EGFLAM: variants seen among roughly 807,000 people sequenced by gnomAD.
The protein encoded by EGFLAM is EGF like, fibronectin type III and laminin G domains.
A neutral mutation model predicts 113.1 loss-of-function variants in EGFLAM; 79 were observed. The observed-to-expected ratio is 0.70, with a 90% confidence interval of 0.58 to 0.84. The LOEUF (loss-of-function observed/expected upper bound fraction) is 0.84, where lower values mean the gene tolerates loss of function less well. EGFLAM is among the 40% of genes least tolerant of loss of function. EGFLAM has a pLI of 0.00. For missense variants in EGFLAM, 1,265 were observed against 1,291.6 expected (o/e 0.98, Z 0.32); for synonymous variants, 504 against 487.6 (o/e 1.03, Z -0.44).
intron 12 of EGFLAM, among the ~76,000 whole-genome samples, chr5:38,421,500 C>G (rs1741822039): frequency 6.6e-6 from 1 of 152,230 alleles, no homozygotes; most frequent in South Asian, 2.1e-4. Flanking sequence ...GAGCTCTTTT[C>G]CTCATTTCAC....
chr5:38,426,274 A>AAC (rs60181446), intron 13 of EGFLAM, among the ~76,000 whole-genome samples: 12,597 of 152,148 alleles, frequency 0.083, 1,693 homozygotes, highest in African/African-American at 0.29. Flanking sequence ...TAAACATGGA[A>AAC]ACACATGCAC....
At chr5:38,285,438 C>G (rs958381656) in intron 1 of EGFLAM, among the ~76,000 whole-genome samples, 5 of 152,184 alleles carry the variant, frequency 3.3e-5, no homozygotes, top group African/African-American at 1.2e-4. Context: ...TAACTGTGCA[C>G]TCTACACACA....
chr5:38,450,823 CT>C (rs11295173), intron 18 of EGFLAM, among the ~76,000 whole-genome samples: 42,585 of 152,114 alleles, frequency 0.28, 10,563 homozygotes, highest in African/African-American at 0.67. Flanking sequence ...GGCCTTGTTC[CT>C]TTGTCTGAGA....
chr5:38,409,688 C>G (rs1200663283), intron 10 of EGFLAM, among the ~76,000 whole-genome samples: 1 of 152,174 alleles, frequency 6.6e-6, no homozygotes, highest in Non-Finnish European at 1.5e-5. Context: ...TCTCATCTCC[C>G]TTTGGCAAAT....
At chr5:38,451,828 TA>T (rs1742923218) in intron 19 of EGFLAM, among the ~76,000 whole-genome samples, 1 of 151,696 alleles carries the variant, frequency 6.6e-6, no homozygotes, top group East Asian at 2.0e-4. Context: ...CCATCTCTAC[TA>T]AAAAATACAA....
At chr5:38,278,778 C>T (rs867455978) in intron 1 of EGFLAM, among the ~76,000 whole-genome samples, 4 of 149,088 alleles carry the variant, frequency 2.7e-5, no homozygotes, top group Admixed American at 1.4e-4. Context: ...CATGAGCCAC[C>T]GTGCCTGGCC....
intron 1 of EGFLAM, chr5:38,290,459 C>G (rs1488277419): frequency 6.6e-6 from 1 of 152,204 alleles, no homozygotes; most frequent in Non-Finnish European, 1.5e-5. Context: ...ATTGACAGCA[C>G]ATGTTACAGA....
rs771397945 is a variant in EGFLAM at position 38,406,963 on chromosome 5, G to C, written c.964G>C (p.Ala322Pro). The change falls in exon 8 of 22, where the codon GCT (alanine) becomes CCT (proline). Residue 322 changes from alanine (A) to proline (P), a missense_variant. Ala to Pro is a conservative substitution (Grantham distance 27). Transcript: ENST00000322350. ...TSASLPVTTV[A>P]PQPIPIQRKG... ...AGCATCTCTCCCTGTGACCACGGTG[G>C]CTCCCCAGCCCATTCCCATACAGAG... 6.2e-7 allele frequency: 1 copy of C among 1,614,148 alleles called. No individual in the cohort carries two copies. Among genetic ancestry groups the C allele is most frequent in the Non-Finnish European group, 8.5e-7 (1 of 1,180,034 alleles).
chr5:38,336,880 TACC>T (rs1326140139), intron 1 of EGFLAM, among the ~76,000 whole-genome samples: 1 of 152,130 alleles, frequency 6.6e-6, no homozygotes, highest in East Asian at 1.9e-4. Context: ...ACAAGAGATA[TACC>T]ACAATGCTAA....
chr5:38,444,034 G>A (rs569729121), intron 17 of EGFLAM, among the ~76,000 whole-genome samples: 5 of 152,160 alleles, frequency 3.3e-5, no homozygotes, highest in African/African-American at 1.2e-4. Context: ...ACCTCCCAAA[G>A]GGCTGGGATT....
In EGFLAM at chr5:38,307,040, T is replaced by C. The variant is rs551937876; in HGVS notation, c.98-30480T>C. On this transcript the variant is annotated intron_variant, in intron 1 of 21. Transcript: ENST00000322350. ...CCTAGTCCCCAGTGTGGGTAAGTCA[T>C]CTTGGAAGTGGATCCTCCAGTCATA... 4.5e-4 allele frequency among the ~76,000 whole-genome samples: 69 copies of C among 152,280 alleles called. 1 individual carries two copies. Among genetic ancestry groups the C allele is most frequent in the African/African-American group, 1.6e-3 (66 of 41,548 alleles).
rs754968751 is a variant in EGFLAM, at chr5:38,445,670, A to T, written c.2465-2631A>T. 1.9e-6 allele frequency: 3 copies of T among 1,598,454 alleles called. No individual in the cohort carries two copies. The Admixed American group carries it at 5.0e-5, about 27-fold the overall frequency. On this transcript the variant is annotated intron_variant, in intron 17 of 21. Transcript: ENST00000322350. ...TCTCCCTGTTCTCTTTCATGCTGGC[A>T]CCGGGCAGAGTGTGGGAACTACTGC...
intron 16 of EGFLAM, among the ~76,000 whole-genome samples, chr5:38,436,125 T>A (rs1006700956): frequency 4.6e-5 from 7 of 152,140 alleles, no homozygotes; most frequent in African/African-American, 1.4e-4. Flanking sequence ...CTGCTCTCTT[T>A]TATTCCTTCT....
intron 6 of EGFLAM, among the ~76,000 whole-genome samples, chr5:38,372,071 G>A (rs1287898160): frequency 3.9e-5 from 6 of 152,056 alleles, no homozygotes; most frequent in South Asian, 2.1e-4. Flanking sequence ...ACAAGCACAT[G>A]CTGATTTAGA....
chr5:38,264,443 G>C (rs911922017), intron 1 of EGFLAM, among the ~76,000 whole-genome samples: 3 of 152,124 alleles, frequency 2.0e-5, no homozygotes, highest in Non-Finnish European at 2.9e-5. Context: ...GGAAGAGAAG[G>C]GTTAGCTTGT....
Position 38,352,263 on chromosome 5 carries a change from C to G in EGFLAM, c.477C>G (p.Ala159=), listed in dbSNP as rs754967292. Residue 159 remains alanine (A), a synonymous_variant, in exon 5 of 22, where the codon GCC becomes GCG. Transcript: ENST00000322350. ...TTGTGGTTTCGGATTCTGAGGTGGC[C>G]CTGTCTTGGAAACCTGGAGCGAGTG... The part of the protein sequence containing the change: ...HVIVVSDSEV[A]LSWKPGASEG... 6 of 1,614,076 alleles carry G rather than the reference C, an allele frequency of 3.7e-6. No individual in the cohort carries two copies. Among genetic ancestry groups the G allele is most frequent in the Admixed American group, 3.3e-5 (2 of 60,002 alleles).
At chr5:38,412,157 A>G (rs1741501959) in intron 10 of EGFLAM, among the ~76,000 whole-genome samples, 1 of 152,208 alleles carries the variant, frequency 6.6e-6, no homozygotes, top group East Asian at 1.9e-4. Context: ...CTATGTGGGA[A>G]TAGTGAATGA....
intron 1 of EGFLAM, among the ~76,000 whole-genome samples, chr5:38,328,578 C>T (rs1364688732): frequency 6.6e-6 from 1 of 152,180 alleles, no homozygotes; most frequent in Non-Finnish European, 1.5e-5. Flanking sequence ...GAGAGTAGTG[C>T]ATTCATGTAC....
intron 1 of EGFLAM, among the ~76,000 whole-genome samples, chr5:38,331,372 C>T (rs901308497): frequency 2.6e-5 from 4 of 152,124 alleles, no homozygotes; most frequent in Non-Finnish European, 5.9e-5. Flanking sequence ...GTTTCACTGC[C>T]CTAAGAACCC....
Sources: allele counts gnomAD v4.1 joint callset (sites outside exome capture counted in the v4.1 genomes callset), GRCh38; gene constraint gnomAD v4.1.1; transcripts MANE v1.5; gene names NCBI Gene and HGNC (gene_info 2026-07-23, HGNC 2026-07-21).